Variants in NOA1 observed in about 807,000 individuals in gnomAD.
NOA1 encodes the protein nitric oxide associated 1.
Under a neutral mutation model 58.4 loss-of-function variants are expected in NOA1, and 35 were observed. The observed-to-expected ratio is 0.60, with a 90% CI of 0.46 to 0.79. The LOEUF is 0.79. NOA1 is among the 30% of genes least tolerant of loss of function. The probability of loss-of-function intolerance (pLI) is 0.00; values close to 1 mark genes in which losing one functional copy is unlikely to be tolerated. For missense variants in NOA1, 895 were observed against 894.6 expected, an observed-to-expected ratio of 1.00 and a Z score of -0.01; for synonymous variants, 397 against 373.4, an observed-to-expected ratio of 1.06 and a Z score of -0.73.
Position 56,976,437 on chromosome 4 carries a change from C to T in NOA1, c.1144+5G>A, listed in dbSNP as rs779503395. Reference sequence around the variant, plus strand: ...AACGAAGAGGGCGAGCCTCCTAAAACTCACCTGGCCAAGGGGAGATGGTGG... The same window carrying T: ...AACGAAGAGGGCGAGCCTCCTAAAATTCACCTGGCCAAGGGGAGATGGTGG... On this transcript the variant is annotated splice_donor_5th_base_variant and intron_variant, in intron 1 of 6. Transcript: ENST00000264230. 2 of 1,609,798 alleles carry T rather than the reference C, an allele frequency of 1.2e-6. No individual in the cohort carries two copies. The highest frequency in any genetic ancestry group is 1.1e-5 in the South Asian group (1 of 90,904).
Position 56,977,071 on chromosome 4 carries a change from C to T in NOA1, c.515G>A (p.Gly172Asp), listed in dbSNP as rs770384974. 8 of 1,573,112 alleles carry T rather than the reference C, an allele frequency of 5.1e-6. No individual in the cohort carries two copies. The East Asian group carries it at 1.4e-4, about 27-fold the overall frequency. Residue 172 changes from glycine (G) to aspartate (D), a missense_variant, in exon 1 of 7, where the codon GGC becomes GAC. Transcript: ENST00000264230. ...CTGGCACACGGTCCGTGCCAGCCCG[C>T]CGTCTGCCTCCGCCGTGCGGAGGAA... Reference protein sequence around the residue: ...EKFLRTAEADGGLARTVCQRC... With the variant: ...EKFLRTAEADDGLARTVCQRC...
At position 56,977,368 on chromosome 4, in the gene NOA1, A is replaced by G; in HGVS notation, c.218T>C (p.Leu73Pro). ...GEGGDMQERF[L>P]FPEYILDPEP... is the part of the protein sequence containing the mutation. ...CGGATCCAGGATGTACTCCGGGAAC[A>G]GAAAACGCTCCTGCATGTCACCACC... Residue 73 changes from leucine to proline, a missense_variant, in exon 1 of 7, where the codon CTG (leucine) becomes CCG (proline). Leu to Pro is a moderately conservative substitution (Grantham distance 98). Around this residue, in one of 3 missense-constraint regions of NOA1, gnomAD observed 680 missense variants for 656.5 expected, o/e 1.04. Coordinates refer to ENST00000264230, the MANE Select transcript of NOA1 (RefSeq NM_032313.4). The G allele has an allele frequency of 6.2e-7, 1 of 1,614,206 alleles. No individual in the cohort carries two copies. The highest frequency in any genetic ancestry group is 8.5e-7 in the Non-Finnish European group (1 of 1,180,034).
intron 5 of NOA1, 78 bp from the exon 6 acceptor site, chr4:56,964,604 A>G (rs1578536099): frequency 6.9e-7 from 1 of 1,453,602 alleles, no homozygotes. Context: ...CACTGATAAG[A>G]TAATTCTGTA....
At chr4:56,973,453 T>C (rs949603469) in intron 2 of NOA1, 100 bp from the exon 3 acceptor site, 2 of 995,952 alleles carry the variant, frequency 2.0e-6, no homozygotes, top group Non-Finnish European at 3.1e-6. Flanking sequence ...AAGATTACAG[T>C]GTAGGGAAGT....
At chr4:56,973,114 A>T (rs57265257) in intron 3 of NOA1, 34 bp downstream of exon 3, 316,101 of 1,580,432 alleles carry the variant, frequency 0.2, 33,292 homozygotes, top group East Asian at 0.41. Flanking sequence ...AAGAAAAAGA[A>T]AGTAAATGTT....
Position 56,966,628 on chromosome 4 carries a change from AC to A in NOA1, c.1755del (p.Leu586TyrfsTer25). 1 of 1,600,652 alleles carries A rather than the reference AC, an allele frequency of 6.2e-7. No homozygotes were observed. Among genetic ancestry groups the A allele is most frequent in the Non-Finnish European group, 8.6e-7 (1 of 1,168,002 alleles). Reference sequence around the variant, plus strand: ...AAGGCATGTTGCCTTACCTGGAGTAACGTATGACCTGCATGCTTCTGATACA... The same window carrying A: ...AAGGCATGTTGCCTTACCTGGAGTAAGTATGACCTGCATGCTTCTGATACA... ...DALYQKHAGH[T>X]LLQIPMGGKE... On this transcript the variant is annotated frameshift_variant, in exon 5 of 7. Coordinates refer to ENST00000264230, the MANE Select transcript of NOA1 (RefSeq NM_032313.4). LOFTEE classifies it high-confidence loss of function.
At chr4:56,974,089 A>ATTC in intron 1 of NOA1, 67 bp from the exon 2 acceptor site, 2 of 997,808 alleles carry the variant, frequency 2.0e-6, no homozygotes, top group South Asian at 1.8e-5. Flanking sequence ...AACATTTTTG[A>ATTC]GGATCTACAC....
At chr4:56,971,704 A>G (rs960778672) in intron 3 of NOA1, among the ~76,000 whole-genome samples, 1 of 152,166 alleles carries the variant, frequency 6.6e-6, no homozygotes, top group Non-Finnish European at 1.5e-5. Flanking sequence ...GAGTCAATCA[A>G]TGATCTGAAT....
At position 56,974,053 on chromosome 4, in the gene NOA1, A is replaced by G. The variant is rs747593272; in HGVS notation, c.1145-31T>C. ...ATACACAGAATAAATACATCTTTAC[A>G]AAAGGGAATAAGGGGGAAGAAAATG... is the stretch of plus-strand genomic sequence containing the variant. On this transcript the variant is annotated intron_variant, in intron 1 of 6. Transcript: ENST00000264230. 18 of 1,525,610 alleles carry G rather than the reference A, an allele frequency of 1.2e-5. No homozygotes were observed. The East Asian group carries it at 3.8e-4, about 33-fold the overall frequency. 94.5% of individuals were successfully genotyped at this position (1,525,610 alleles called of 1,614,324 possible). A position where few individuals can be genotyped will look rare whatever the true frequency, so the allele number is the denominator to read the frequency against.
At position 56,973,840 on chromosome 4, in the gene NOA1, C is replaced by T; in HGVS notation, c.1309+18G>A. The T allele has an allele frequency of 6.2e-7, 1 of 1,612,530 alleles. No homozygotes were observed. The highest frequency in any genetic ancestry group is 1.7e-4 in the Middle Eastern group (1 of 6,052). ...TTAGCATAGTACCAACGAGGGTTTT[C>T]CCATAGAGGATGCTTACCTACGACA... On this transcript the variant is annotated intron_variant, in intron 2 of 6. Coordinates refer to ENST00000264230, the MANE Select transcript of NOA1 (RefSeq NM_032313.4).
intron 5 of NOA1, among the ~76,000 whole-genome samples, chr4:56,964,822 A>G (rs1249991641): frequency 6.6e-6 from 1 of 152,144 alleles, no homozygotes; most frequent in African/African-American, 2.4e-5. Flanking sequence ...AGAATCCTCC[A>G]CAGGGCCTCA....
intron 3 of NOA1, among the ~76,000 whole-genome samples, chr4:56,970,231 A>G (rs990549123): frequency 6.6e-6 from 1 of 151,650 alleles, no homozygotes; most frequent in Non-Finnish European, 1.5e-5. Flanking sequence ...GGGAGGCAGA[A>G]GTTACAGTGG....
chr4:56,975,853 A>T (rs1721910049), intron 1 of NOA1, among the ~76,000 whole-genome samples: 1 of 151,924 alleles, frequency 6.6e-6, no homozygotes, highest in Admixed American at 6.6e-5. Context: ...CAACAGAGCA[A>T]GACAAGACTC....
In NOA1 at chr4:56,963,676, G is replaced by A; in HGVS notation, c.1886-15C>T. The A allele has an allele frequency of 6.3e-7, 1 of 1,599,992 alleles. No individual in the cohort carries two copies. Among genetic ancestry groups the A allele is most frequent in the South Asian group, 1.1e-5 (1 of 90,584 alleles). Reference sequence around the variant, plus strand: ...TGAAACCCAACCTATGCAGGCATGTGACACAACACAAAAGGCTGTTAGCAA... The same window carrying A: ...TGAAACCCAACCTATGCAGGCATGTAACACAACACAAAAGGCTGTTAGCAA... On this transcript the variant is annotated splice_polypyrimidine_tract_variant and intron_variant, in intron 6 of 6. Transcript: ENST00000264230.
At chr4:56,970,669 C>T (rs147771513) in intron 3 of NOA1, among the ~76,000 whole-genome samples, 343 of 151,910 alleles carry the variant, frequency 2.3e-3, no homozygotes, top group African/African-American at 7.7e-3. Context: ...GGCATGTTGC[C>T]CAGGCTGGTC....
intron 3 of NOA1, among the ~76,000 whole-genome samples, chr4:56,972,747 C>T (rs758162039): frequency 2.0e-5 from 3 of 152,138 alleles, no homozygotes; most frequent in South Asian, 2.1e-4. Flanking sequence ...CTTCTGTAAA[C>T]GTTTCCCTAA....
At chr4:56,974,107 G>A (rs1008710743) in intron 1 of NOA1, 85 bp from the exon 2 acceptor site, 20 of 918,028 alleles carry the variant, frequency 2.2e-5, no homozygotes, top group Middle Eastern at 3.4e-4. Flanking sequence ...CACTGTGTTG[G>A]TTACTGTAAT....
At chr4:56,969,237 A>G (rs1400121996) in intron 3 of NOA1, among the ~76,000 whole-genome samples, 1 of 152,252 alleles carries the variant, frequency 6.6e-6, no homozygotes, top group Non-Finnish European at 1.5e-5. Context: ...GTTAAAAAAG[A>G]ATAAAGAAGG....
In NOA1 at chr4:56,976,810, C is replaced by T. The variant is rs1721936965; in HGVS notation, c.776G>A (p.Gly259Asp). Residue 259 changes from glycine to aspartate, a missense_variant, in exon 1 of 7, where the codon GGC (glycine) becomes GAC (aspartate). By Grantham distance (94) the Gly-to-Asp change is moderately conservative. Coordinates refer to ENST00000264230, the MANE Select transcript of NOA1 (RefSeq NM_032313.4). ...KVDLLPQDAP[G>D]YRQRLRERLW... ...TCGCTCCCGCAGCCTCTGCCGGTAG[C>T]CAGGAGCATCCTGGGGCAGGAGGTC... The T allele has an allele frequency of 3.0e-5, 48 of 1,611,180 alleles. No homozygotes were observed. The highest frequency in any genetic ancestry group is 3.9e-5 in the Non-Finnish European group (46 of 1,178,520).
Sources: gnomAD v4.1 joint callset for allele counts (sites outside exome capture counted in the v4.1 genomes callset) on GRCh38, gnomAD v4.1.1 for gene constraint, gnomAD v4.1.1 regional missense constraint, MANE v1.5 for transcripts, NCBI Gene and HGNC (gene_info 2026-07-23, HGNC 2026-07-21) for gene names.